SYN3: variants seen among roughly 807,000 people sequenced by gnomAD.
SYN3 encodes synapsin-3.
A neutral mutation model predicts 65.8 loss-of-function variants in SYN3; 35 were observed. The observed-to-expected ratio is 0.53, with a 90% CI of 0.41 to 0.70. The LOEUF is 0.70. Ranked by LOEUF, SYN3 falls within the 30% of genes least tolerant of loss-of-function variation. The pLI, the probability that SYN3 is intolerant of heterozygous loss-of-function variation, is 0.00. For missense variants in SYN3, 680 were observed against 749.0 expected, an observed-to-expected ratio of 0.91 and a Z score of 1.08; for synonymous variants, 270 against 292.9, an observed-to-expected ratio of 0.92 and a Z score of 0.80.
At chr22:32,610,249 C>G (rs1054734540) in intron 6 of SYN3, among the ~76,000 whole-genome samples, 3 of 152,090 alleles carry the variant, frequency 2.0e-5, no homozygotes, top group Non-Finnish European at 2.9e-5. Context: ...CCGCTGCACT[C>G]CAGCCTGGGC....
At chr22:32,802,162 G>T in intron 6 of SYN3, 1 of 1,561,190 alleles carries the variant, frequency 6.4e-7, no homozygotes, top group Non-Finnish European at 8.6e-7. Context: ...CCACGCTGCA[G>T]CCAGGACTGC....
intron 6 of SYN3, among the ~76,000 whole-genome samples, chr22:32,705,763 T>C (rs981004845): frequency 2.6e-5 from 4 of 152,218 alleles, no homozygotes; most frequent in Non-Finnish European, 4.4e-5. Context: ...ATTGTAGAGA[T>C]CTGTCACCTC....
intron 6 of SYN3, among the ~76,000 whole-genome samples, chr22:32,688,238 A>G (rs1405269529): frequency 1.3e-5 from 2 of 152,158 alleles, no homozygotes; most frequent in African/African-American, 2.4e-5. Context: ...GGGGGTCATA[A>G]GTGACTCCAT....
At chr22:33,057,803 C>T (rs1055383485) in intron 1 of SYN3, 4 of 152,634 alleles carry the variant, frequency 2.6e-5, no homozygotes, top group African/African-American at 9.6e-5. Context: ...TTCATCCTGC[C>T]CCCAGGATGA....
intron 6 of SYN3, among the ~76,000 whole-genome samples, chr22:32,641,496 T>A (rs1212891562): frequency 6.6e-6 from 1 of 150,404 alleles, no homozygotes; most frequent in East Asian, 2.0e-4. Flanking sequence ...TAGTCCCAGC[T>A]ACTCGGGAGG....
At chr22:32,618,008 ACT>A (rs1458015275) in intron 6 of SYN3, among the ~76,000 whole-genome samples, 2 of 151,416 alleles carry the variant, frequency 1.3e-5, no homozygotes, top group African/African-American at 2.4e-5. Flanking sequence ...TCACTTAGTG[ACT>A]CTCTCTCTGG....
Position 33,049,894 on chromosome 22 carries a change from A to G in SYN3, c.-163+8398T>C, listed in dbSNP as rs140666913. Among the ~76,000 whole-genome samples, 6 of 151,966 alleles carry G rather than the reference A, an allele frequency of 3.9e-5. No homozygotes were observed. In the East Asian group the frequency reaches 1.2e-3, roughly 30 times the overall value. ...GCTTGCCTGTTGCCCTCTGTGTCTC[A>G]GACACCAGCCACAAAGCCAAGCAGA... is the stretch of plus-strand genomic sequence containing the variant. On this transcript the variant is annotated intron_variant, in intron 1 of 13. Coordinates refer to ENST00000358763, the MANE Select transcript of SYN3 (RefSeq NM_003490.4).
chr22:32,512,310 T>C lies in SYN3; in HGVS notation c.*1382A>G, dbSNP rs2057699636. Among the ~76,000 whole-genome samples, 1 of 152,212 alleles carries C rather than the reference T, an allele frequency of 6.6e-6. No homozygotes were observed. Among genetic ancestry groups the C allele is most frequent in the African/African-American group, 2.4e-5 (1 of 41,458 alleles). ...GACAGCAAAAGGAAGACATGTCTCA[T>C]GTTGCGAAGTGGGAGGCAAGGGGCT... On this transcript the variant is annotated 3_prime_UTR_variant, in exon 14 of 14. Transcript: ENST00000358763.
intron 7 of SYN3, 110 bp downstream of exon 7, chr22:32,596,564 T>C: frequency 9.1e-7 from 1 of 1,100,250 alleles, no homozygotes; most frequent in South Asian, 1.4e-5. Flanking sequence ...TAACACTCTG[T>C]TCTGGGTGCC....
intron 6 of SYN3, among the ~76,000 whole-genome samples, chr22:32,741,126 T>A (rs1170827567): frequency 6.6e-6 from 1 of 152,136 alleles, no homozygotes; most frequent in Non-Finnish European, 1.5e-5. Flanking sequence ...CCCAAAACAC[T>A]GGGAGATGCA....
chr22:32,817,741 T>C (rs1269075013), intron 6 of SYN3, among the ~76,000 whole-genome samples: 1 of 152,216 alleles, frequency 6.6e-6, no homozygotes, highest in African/African-American at 2.4e-5. Flanking sequence ...GGATCTTGTT[T>C]ATACCGTTAA....
At chr22:32,605,374 G>A (rs1363989627) in intron 6 of SYN3, among the ~76,000 whole-genome samples, 4 of 152,138 alleles carry the variant, frequency 2.6e-5, no homozygotes, top group African/African-American at 4.8e-5. Context: ...CCAGGCAGCC[G>A]TCGAGGGTTT....
chr22:32,872,251 G>T (rs763303567), intron 4 of SYN3, among the ~76,000 whole-genome samples: 4 of 152,190 alleles, frequency 2.6e-5, no homozygotes, highest in Non-Finnish European at 5.9e-5. Context: ...CCTCAAAACT[G>T]TTTTTAAATA....
At chr22:32,956,870 T>C (rs1354110974) in intron 3 of SYN3, among the ~76,000 whole-genome samples, 1 of 152,226 alleles carries the variant, frequency 6.6e-6, no homozygotes, top group Non-Finnish European at 1.5e-5. Flanking sequence ...TTCTCCACAG[T>C]GGCTGCCTCA....
Position 32,648,290 on chromosome 22 carries a change from T to C in SYN3, c.712-51554A>G, listed in dbSNP as rs148518830. Among the ~76,000 whole-genome samples, 420 of 152,336 alleles carry C rather than the reference T, an allele frequency of 2.8e-3. 2 individuals carry two copies. The highest frequency in any genetic ancestry group is 9.4e-3 in the African/African-American group (390 of 41,568). On this transcript the variant is annotated intron_variant, in intron 6 of 13. Coordinates refer to ENST00000358763, the MANE Select transcript of SYN3 (RefSeq NM_003490.4). ...CCATAGCAAGCAAGAGTATCCAGCA[T>C]GAATTCAATAATATTGCTTTGTTCT...
At chr22:32,866,799 T>C (rs2048699570) in intron 5 of SYN3, among the ~76,000 whole-genome samples, 1 of 152,140 alleles carries the variant, frequency 6.6e-6, no homozygotes, top group Non-Finnish European at 1.5e-5. Flanking sequence ...ATGACAATAG[T>C]GGTAAATTCT....
intron 6 of SYN3, among the ~76,000 whole-genome samples, chr22:32,823,092 G>A (rs1411068851): frequency 6.6e-6 from 1 of 152,172 alleles, no homozygotes. Flanking sequence ...TCACTACATT[G>A]ACACATCATT....
intron 6 of SYN3, among the ~76,000 whole-genome samples, chr22:32,720,036 T>C (rs2061094863): frequency 6.6e-6 from 1 of 152,138 alleles, no homozygotes; most frequent in African/African-American, 2.4e-5. Flanking sequence ...GCTACAAACT[T>C]TGAAGAATAG....
At chr22:32,605,743 T>C (rs2059363491) in intron 6 of SYN3, among the ~76,000 whole-genome samples, 1 of 152,196 alleles carries the variant, frequency 6.6e-6, no homozygotes, top group Non-Finnish European at 1.5e-5. Context: ...CACCCAGAAC[T>C]GGAGCACGTG....
Sources: gnomAD v4.1 joint callset for allele counts (sites outside exome capture counted in the v4.1 genomes callset) on GRCh38, gnomAD v4.1.1 for gene constraint, MANE v1.5 for transcripts, NCBI Gene and HGNC (gene_info 2026-07-23, HGNC 2026-07-21) for gene names.